The following CCDC158 variants were observed in gnomAD, a reference collection of about 807,000 sequenced individuals.
The protein encoded by CCDC158 is coiled-coil domain containing 158.
A neutral mutation model predicts 138.6 loss-of-function variants in CCDC158; 116 were observed. The observed-to-expected ratio is 0.84, with a 90% confidence interval of 0.72 to 0.98. The LOEUF is 0.98. Ranked by LOEUF, CCDC158 falls within the 50% of genes least tolerant of loss-of-function variation. The pLI is 0.00. For missense variants in CCDC158, 1,265 were observed against 1,306.1 expected (o/e 0.97, Z 0.48); for synonymous variants, 436 against 442.4 (o/e 0.99, Z 0.18).
chr4:76,411,651 G>A (rs1480672976), intron 2 of CCDC158, among the ~76,000 whole-genome samples: 3 of 152,140 alleles, frequency 2.0e-5, no homozygotes, highest in African/African-American at 7.2e-5. Flanking sequence ...AGGCAATATG[G>A]AAGATGCACA....
chr4:76,394,830 G>A (rs1727631366), intron 4 of CCDC158, among the ~76,000 whole-genome samples: 1 of 151,926 alleles, frequency 6.6e-6, no homozygotes. Flanking sequence ...ATCCAACCTG[G>A]AAAGTAGTGG....
chr4:76,382,704 T>C lies in CCDC158; in HGVS notation c.820A>G (p.Ser274Gly). The change falls in exon 8 of 25, where the codon AGT becomes GGT. Residue 274 changes from serine to glycine, a missense_variant. Coordinates refer to ENST00000682701, the MANE Select transcript of CCDC158 (RefSeq NM_001394954.1). ...QHQDRIEQLI[S>G]EHEVEITGLT... ...CCTGTTATTTCAACTTCATGTTCACTTATTAACTGCTCAATCCTATAAAAA... is the reference window on the plus strand; with the variant it reads ...CCTGTTATTTCAACTTCATGTTCACCTATTAACTGCTCAATCCTATAAAAA... 1 of 1,610,562 alleles carries C rather than the reference T, an allele frequency of 6.2e-7. No individual in the cohort carries two copies. The highest frequency in any genetic ancestry group is 8.5e-7 in the Non-Finnish European group (1 of 1,177,088).
Position 76,355,360 on chromosome 4 carries a change from T to C in CCDC158, c.2250A>G (p.Ile750Met), listed in dbSNP as rs1578953753. 6.2e-7 allele frequency: 1 copy of C among 1,614,018 alleles called. No homozygotes were observed. Among genetic ancestry groups the C allele is most frequent in the Non-Finnish European group, 8.5e-7 (1 of 1,179,942 alleles). Reference protein sequence around the residue: ...RGQIDALQSKIQFLEEAMTNA... With the variant: ...RGQIDALQSKMQFLEEAMTNA... ...TTGTCATTGCCTCTTCCAAAAACTG[T>C]ATCTTGCTCTGAAGGGCATCTATCT... Residue 750 changes from isoleucine to methionine, a missense_variant, in exon 15 of 25, where the codon ATA (isoleucine) becomes ATG (methionine). By Grantham distance (10) the Ile-to-Met change is conservative. Coordinates refer to ENST00000682701, the MANE Select transcript of CCDC158 (RefSeq NM_001394954.1).
chr4:76,367,916 TG>T (rs1724855513), intron 11 of CCDC158, 140 bp from the exon 12 acceptor site: 1 of 794,970 alleles, frequency 1.3e-6, no homozygotes, highest in Non-Finnish European at 1.9e-6. Flanking sequence ...TTTTAAGAGA[TG>T]GGGGTCTCAC....
intron 11 of CCDC158, 24 bp from the exon 12 acceptor site, chr4:76,367,800 T>G: frequency 6.3e-7 from 1 of 1,578,078 alleles, no homozygotes; most frequent in South Asian, 1.2e-5. Flanking sequence ...AAAAGAGAAT[T>G]TCATAGATTT....
chr4:76,333,651 C>T (rs907446), intron 19 of CCDC158, among the ~76,000 whole-genome samples: 46,795 of 152,074 alleles, frequency 0.31, 9,220 homozygotes, highest in Non-Finnish European at 0.44. Flanking sequence ...GACACGTCGA[C>T]CTTTTGAGAT....
At chr4:76,411,673 CA>C in intron 2 of CCDC158, among the ~76,000 whole-genome samples, 1 of 151,532 alleles carries the variant, frequency 6.6e-6, no homozygotes, top group Non-Finnish European at 1.5e-5. Flanking sequence ...AACTTAGAAT[CA>C]GGAAACTTAA....
At chr4:76,398,855 G>A (rs528073140) in intron 3 of CCDC158, among the ~76,000 whole-genome samples, 25 of 151,978 alleles carry the variant, frequency 1.6e-4, no homozygotes, top group Middle Eastern at 3.4e-3. Context: ...GAGAGAGAGC[G>A]AATGGTTATA....
At chr4:76,362,862 G>T (rs1001007793) in intron 12 of CCDC158, among the ~76,000 whole-genome samples, 4 of 152,188 alleles carry the variant, frequency 2.6e-5, no homozygotes, top group African/African-American at 9.7e-5. Flanking sequence ...TATTTAATAT[G>T]TCAGGTAAGA....
chr4:76,365,237 C>T (rs1724540905), intron 12 of CCDC158, among the ~76,000 whole-genome samples: 1 of 152,212 alleles, frequency 6.6e-6, no homozygotes, highest in Admixed American at 6.5e-5. Flanking sequence ...GAAGAGGGGA[C>T]AGAAACCAGG....
At chr4:76,353,423 G>C (rs1311193853) in intron 15 of CCDC158, 142 bp from the exon 16 acceptor site, 6 of 608,160 alleles carry the variant, frequency 9.9e-6, no homozygotes, top group Non-Finnish European at 1.7e-5. Flanking sequence ...TCTGAGTTGT[G>C]GTTGGGAGCT....
chr4:76,342,079 T>A (rs1224531353), intron 18 of CCDC158, among the ~76,000 whole-genome samples: 1 of 152,200 alleles, frequency 6.6e-6, no homozygotes, highest in Non-Finnish European at 1.5e-5. Context: ...TATTATTATT[T>A]TTTTTTTGAG....
At chr4:76,356,252 A>C (rs1723550586) in intron 14 of CCDC158, among the ~76,000 whole-genome samples, 1 of 152,190 alleles carries the variant, frequency 6.6e-6, no homozygotes, top group Admixed American at 6.5e-5. Context: ...TTAAACTGAC[A>C]CTGTATATTG....
intron 11 of CCDC158, 101 bp from the exon 12 acceptor site, chr4:76,367,877 G>T: frequency 1.7e-6 from 2 of 1,159,654 alleles, no homozygotes; most frequent in Non-Finnish European, 2.4e-6. Flanking sequence ...CATGAATTAG[G>T]CAATGTTTAG....
intron 7 of CCDC158, 77 bp downstream of exon 7, chr4:76,383,585 T>G: frequency 9.9e-7 from 1 of 1,007,054 alleles, no homozygotes; most frequent in Non-Finnish European, 1.6e-6. Flanking sequence ...TGTTTAGATT[T>G]TGGAATTGTG....
At chr4:76,333,097 C>T (rs1329251398) in intron 19 of CCDC158, among the ~76,000 whole-genome samples, 3 of 152,226 alleles carry the variant, frequency 2.0e-5, no homozygotes, top group Admixed American at 2.0e-4. Context: ...ACATTATGTG[C>T]TTCAGATAAT....
intron 2 of CCDC158, among the ~76,000 whole-genome samples, chr4:76,409,615 C>G (rs4618338): frequency 0.59 from 89,954 of 151,830 alleles, 27,809 homozygotes; most frequent in East Asian, 0.8. Flanking sequence ...GCGGATCATG[C>G]GGTCAGGAGA....
At chr4:76,314,181 C>T (rs1419260139) in intron 24 of CCDC158, among the ~76,000 whole-genome samples, 1 of 152,156 alleles carries the variant, frequency 6.6e-6, no homozygotes, top group Non-Finnish European at 1.5e-5. Context: ...CAAGAGGCGT[C>T]CCATCCAGAC....
intron 18 of CCDC158, among the ~76,000 whole-genome samples, chr4:76,350,701 C>T (rs1722962839): frequency 6.6e-6 from 1 of 152,020 alleles, no homozygotes; most frequent in Non-Finnish European, 1.5e-5. Flanking sequence ...CACCAACTTG[C>T]CTTTGCCTTT....
Sources: gnomAD v4.1 joint callset for allele counts (sites outside exome capture counted in the v4.1 genomes callset) on GRCh38, gnomAD v4.1.1 for gene constraint, MANE v1.5 for transcripts, NCBI Gene and HGNC (gene_info 2026-07-23, HGNC 2026-07-21) for gene names.